EVC2: variants seen among roughly 807,000 people sequenced by gnomAD.
EVC2 encodes EvC ciliary complex subunit 2, also known as limbin.
A neutral mutation model predicts 149.3 loss-of-function variants in EVC2; 148 were observed. The ratio of observed to expected loss-of-function variants is 0.99; its 90% CI spans 0.87 to 1.14. The LOEUF is 1.14. EVC2 is among the 50% of genes most tolerant of loss of function. The pLI is 0.00. For synonymous variants in EVC2, 776 were observed against 649.9 expected (o/e 1.19, Z -2.95); for missense variants, 1,854 against 1,627.3 (o/e 1.14, Z -2.40).
intron 4 of EVC2, 22 bp downstream of exon 4, chr4:5,691,243 T>C (rs1560230114): frequency 5.6e-6 from 9 of 1,604,318 alleles, no homozygotes; most frequent in Non-Finnish European, 7.7e-6. Flanking sequence ...TCTTCAAATA[T>C]ACACCACCAG....
intron 21 of EVC2, among the ~76,000 whole-genome samples, chr4:5,544,299 G>A (rs4689250): frequency 0.3 from 44,863 of 151,742 alleles, 7,971 homozygotes; most frequent in East Asian, 0.86. Flanking sequence ...TTATCTGCAA[G>A]TTGTCAAATA....
intron 11 of EVC2, among the ~76,000 whole-genome samples, chr4:5,631,377 G>A (rs367753134): frequency 2.3e-4 from 35 of 152,228 alleles, no homozygotes; most frequent in African/African-American, 8.2e-4. Context: ...CACCAAGCCT[G>A]GCCTGTATTT....
chr4:5,694,566 T>C, intron 2 of EVC2, 65 bp from the exon 3 acceptor site: 2 of 1,589,252 alleles, frequency 1.3e-6, no homozygotes, highest in Admixed American at 3.3e-5. Context: ...GAACTTAACC[T>C]CTAGAGACAG....
intron 16 of EVC2, among the ~76,000 whole-genome samples, chr4:5,607,789 C>T (rs1327227088): frequency 1.3e-5 from 2 of 152,040 alleles, no homozygotes; most frequent in Non-Finnish European, 2.9e-5. Context: ...GGCTGCTTAC[C>T]TGAAACTGTG....
chr4:5,690,398 G>C lies in EVC2; in HGVS notation c.519+867C>G, dbSNP rs111775221. Among the ~76,000 whole-genome samples, 1,047 of 147,066 alleles carry C rather than the reference G, an allele frequency of 7.1e-3. 17 individuals carry two copies. Among genetic ancestry groups the C allele is most frequent in the African/African-American group, 0.027 (994 of 37,274 alleles). ...AATATCCTTGCCTGATTACAGTGTGGGTTGTTGTTTTTTTTTTTTTTTTTA... is the reference window on the plus strand; with the variant it reads ...AATATCCTTGCCTGATTACAGTGTGCGTTGTTGTTTTTTTTTTTTTTTTTA... On this transcript the variant is annotated intron_variant, in intron 4 of 21. Transcript: ENST00000344408.
chr4:5,664,490 G>T (rs1577225053), intron 8 of EVC2, among the ~76,000 whole-genome samples: 1 of 152,216 alleles, frequency 6.6e-6, no homozygotes, highest in South Asian at 2.1e-4. Flanking sequence ...GCAGCAGGGT[G>T]CGTTTAGTTC....
At chr4:5,645,118 T>C (rs1717613441) in intron 9 of EVC2, among the ~76,000 whole-genome samples, 1 of 152,192 alleles carries the variant, frequency 6.6e-6, no homozygotes, top group Admixed American at 6.5e-5. Flanking sequence ...ACTATATTCA[T>C]ACTGTGTGCT....
chr4:5,529,839 G>A, the EVC2 span, among the ~76,000 whole-genome samples: 3 of 140,170 alleles, frequency 2.1e-5, no homozygotes, highest in East Asian at 4.1e-4. This position sits in a 1 kb window ranked among gnomAD's most constrained non-coding sequence, Gnocchi z 4.5. Flanking sequence ...TTTTTTTGAC[G>A]GAGTCTCACT....
chr4:5,689,964 A>T (rs187955653), intron 4 of EVC2, among the ~76,000 whole-genome samples: 14 of 152,330 alleles, frequency 9.2e-5, no homozygotes, highest in South Asian at 6.2e-4. Flanking sequence ...CTCTGCTGAA[A>T]TACATGCAGG....
At chr4:5,591,953 A>G in intron 16 of EVC2, among the ~76,000 whole-genome samples, 1 of 152,194 alleles carries the variant, frequency 6.6e-6, no homozygotes, top group East Asian at 1.9e-4. Flanking sequence ...TTTCAAACAA[A>G]AAGTTTTTTC....
chr4:5,616,697 C>T lies in EVC2; in HGVS notation c.2707-1153G>A, dbSNP rs568826956. ...CAGGCTCTCCCACCACCTTCTCTGC[C>T]GCTATCTCGGGACTGAGCAAGCGAA... On this transcript the variant is annotated intron_variant, in intron 15 of 21. Transcript: ENST00000344408. Among the ~76,000 whole-genome samples the T allele has an allele frequency of 8.5e-5, 13 of 152,340 alleles. No homozygotes were observed. The East Asian group carries it at 1.9e-3, about 23-fold the overall frequency.
chr4:5,632,611 C>A (rs1716629371), intron 10 of EVC2, among the ~76,000 whole-genome samples: 1 of 152,186 alleles, frequency 6.6e-6, no homozygotes, highest in South Asian at 2.1e-4. Flanking sequence ...TCATTCTCAA[C>A]TTCACTGAAG....
At chr4:5,598,812 C>T (rs1470539562) in intron 16 of EVC2, among the ~76,000 whole-genome samples, 3 of 152,066 alleles carry the variant, frequency 2.0e-5, no homozygotes, top group East Asian at 1.9e-4. Flanking sequence ...ATTTTTGCAA[C>T]CTACTCATCA....
chr4:5,547,912 C>T lies in EVC2; in HGVS notation c.3420-4700G>A, dbSNP rs1278763001. Among the ~76,000 whole-genome samples the T allele has an allele frequency of 3.3e-5, 5 of 152,298 alleles. No homozygotes were observed. In the East Asian group the frequency reaches 9.7e-4, roughly 30 times the overall value. ...AGGCTGTGACTTCCTCTTTGGGGCCCAGTGGTTCCTGGATTCTCCAAGCTT... is the reference window on the plus strand; with the variant it reads ...AGGCTGTGACTTCCTCTTTGGGGCCTAGTGGTTCCTGGATTCTCCAAGCTT... On this transcript the variant is annotated intron_variant and NMD_transcript_variant, in intron 21 of 22. Coordinates refer to the EVC2 transcript ENST00000475313.
At chr4:5,694,925 G>C (rs763000343) in intron 2 of EVC2, among the ~76,000 whole-genome samples, 1 of 152,064 alleles carries the variant, frequency 6.6e-6, no homozygotes, top group Non-Finnish European at 1.5e-5. Flanking sequence ...AACAGCATAG[G>C]TCTCACCTCA....
intron 9 of EVC2, among the ~76,000 whole-genome samples, chr4:5,658,848 G>A (rs1477603542): frequency 2.6e-5 from 4 of 152,160 alleles, no homozygotes; most frequent in African/African-American, 9.7e-5. Context: ...CAGTGGTCAG[G>A]CCCAGAGTAA....
chr4:5,535,719 T>G, the EVC2 span, among the ~76,000 whole-genome samples: 1 of 151,944 alleles, frequency 6.6e-6, no homozygotes, highest in Non-Finnish European at 1.5e-5. This position sits in a 1 kb window ranked among gnomAD's most constrained non-coding sequence, Gnocchi z 4.7. Context: ...CATCTAAACC[T>G]AATCACCTCC....
At chr4:5,552,247 C>T (rs1259564405) in intron 21 of EVC2, among the ~76,000 whole-genome samples, 1 of 152,124 alleles carries the variant, frequency 6.6e-6, no homozygotes, top group Non-Finnish European at 1.5e-5. Context: ...TACATTCTTC[C>T]TCTCTCTCCA....
chr4:5,655,774 G>A (rs1478445458), intron 9 of EVC2, among the ~76,000 whole-genome samples: 3 of 139,300 alleles, frequency 2.2e-5, no homozygotes, highest in Non-Finnish European at 4.7e-5. Context: ...AGGGAGGGAG[G>A]GAAGAAGAGA....
Sources: allele counts gnomAD v4.1 joint callset (sites outside exome capture counted in the v4.1 genomes callset), GRCh38; gene constraint gnomAD v4.1.1; non-coding constraint Gnocchi (gnomAD v3.1); transcripts MANE v1.5; gene names NCBI Gene and HGNC (gene_info 2026-07-23, HGNC 2026-07-21).